Variants in NALF1 observed in about 807,000 individuals in gnomAD.
The protein encoded by NALF1 is NALCN channel auxiliary factor 1.
Under a neutral mutation model 48.4 loss-of-function variants are expected in NALF1, and 3 were observed. That is an observed-to-expected ratio of 0.06 (90% CI 0.03 to 0.16). The LOEUF is 0.16. NALF1 is among the 10% of genes least tolerant of loss of function. The pLI is 1.00. For missense variants in NALF1, 526 were observed against 571.5 expected, an observed-to-expected ratio of 0.92 and a Z score of 0.81; for synonymous variants, 262 against 245.7, an observed-to-expected ratio of 1.07 and a Z score of -0.62.
chr13:107,240,492 T>TA (rs1360641907), intron 1 of NALF1, among the ~76,000 whole-genome samples: 5 of 152,216 alleles, frequency 3.3e-5, no homozygotes, highest in Admixed American at 3.3e-4. Flanking sequence ...TTCATGGCTT[T>TA]GAAATATGTA....
At chr13:107,237,555 A>G (rs971109855) in intron 1 of NALF1, among the ~76,000 whole-genome samples, 4 of 152,198 alleles carry the variant, frequency 2.6e-5, no homozygotes, top group African/African-American at 9.7e-5. Context: ...TATACATTAA[A>G]TCATCTCTAG....
At chr13:107,736,728 C>T (rs962191770) in intron 1 of NALF1, among the ~76,000 whole-genome samples, 3 of 152,032 alleles carry the variant, frequency 2.0e-5, no homozygotes, top group African/African-American at 7.2e-5. Context: ...TAACAAGTTA[C>T]GGAAAAAGCC....
chr13:107,745,132 T>A (rs1876750158), intron 1 of NALF1, among the ~76,000 whole-genome samples: 1 of 152,198 alleles, frequency 6.6e-6, no homozygotes. Flanking sequence ...AGAGGGTACA[T>A]AAACAAATTT....
intron 1 of NALF1, among the ~76,000 whole-genome samples, chr13:107,522,441 G>A (rs1408211595): frequency 1.3e-5 from 2 of 151,914 alleles, no homozygotes; most frequent in African/African-American, 4.8e-5. Context: ...AAGTTTCACT[G>A]ATAAATATTT....
At chr13:107,726,745 G>A (rs1876162776) in intron 1 of NALF1, among the ~76,000 whole-genome samples, 1 of 151,096 alleles carries the variant, frequency 6.6e-6, no homozygotes, top group Non-Finnish European at 1.5e-5. Context: ...GAGTAGCTAG[G>A]ACTACAAGGC....
chr13:107,362,179 A>G lies in NALF1; in HGVS notation c.916-151424T>C, dbSNP rs1294677825. ...TCTACCCTTATTGACTGATTCTCCA[A>G]ATGACAAGGTTACCTGATGGTGGGG... On this transcript the variant is annotated intron_variant, in intron 1 of 2. Coordinates refer to ENST00000375915, the MANE Select transcript of NALF1 (RefSeq NM_001080396.3). This position sits in a 1 kb window ranked among gnomAD's most constrained non-coding sequence, Gnocchi z 4.6. 1.3e-5 allele frequency among the ~76,000 whole-genome samples: 2 copies of G among 152,174 alleles called. No homozygotes were observed. Among genetic ancestry groups the G allele is most frequent in the Admixed American group, 1.3e-4 (2 of 15,268 alleles).
At chr13:107,510,406 A>T (rs1177826207) in intron 1 of NALF1, among the ~76,000 whole-genome samples, 1 of 152,160 alleles carries the variant, frequency 6.6e-6, no homozygotes, top group Admixed American at 6.5e-5. Flanking sequence ...ATTACTTTTA[A>T]ATGGAAAAAT....
intron 1 of NALF1, among the ~76,000 whole-genome samples, chr13:107,241,067 A>AG (rs1880457302): frequency 6.6e-6 from 1 of 150,626 alleles, no homozygotes; most frequent in Admixed American, 6.6e-5. Context: ...AAAAAAAAAA[A>AG]AAAAAAAGCC....
chr13:107,731,425 G>A (rs1284645754), intron 1 of NALF1, among the ~76,000 whole-genome samples: 1 of 152,002 alleles, frequency 6.6e-6, no homozygotes, highest in African/African-American at 2.4e-5. Context: ...TTAGGTTCAG[G>A]AGTACATGTG....
intron 1 of NALF1, among the ~76,000 whole-genome samples, chr13:107,755,527 T>C (rs892873505): frequency 6.6e-6 from 1 of 151,368 alleles, no homozygotes; most frequent in Non-Finnish European, 1.5e-5. Context: ...TCCATTTTCA[T>C]GCCAAAATTA....
intron 1 of NALF1, among the ~76,000 whole-genome samples, chr13:107,849,343 A>G (rs1226579822): frequency 1.3e-5 from 2 of 152,216 alleles, no homozygotes; most frequent in African/African-American, 4.8e-5. Context: ...AAGATTGTGT[A>G]GTAAAGAAAA....
chr13:107,295,356 T>C (rs1881705698), intron 1 of NALF1, among the ~76,000 whole-genome samples: 1 of 152,238 alleles, frequency 6.6e-6, no homozygotes, highest in Admixed American at 6.5e-5. Context: ...TTCCATGGTG[T>C]ACATATAATA....
intron 1 of NALF1, among the ~76,000 whole-genome samples, chr13:107,795,545 T>C (rs1878395284): frequency 6.6e-6 from 1 of 152,192 alleles, no homozygotes; most frequent in Non-Finnish European, 1.5e-5. Context: ...TACGCTTTTC[T>C]GTAAAAAGCT....
chr13:107,418,544 CT>C (rs1884132414), intron 1 of NALF1, among the ~76,000 whole-genome samples: 2 of 152,004 alleles, frequency 1.3e-5, no homozygotes, highest in Admixed American at 6.6e-5. Context: ...CAATCTATTT[CT>C]TTTTTTCCCC....
At chr13:107,208,739 G>A (rs1879694426) in intron 2 of NALF1, among the ~76,000 whole-genome samples, 1 of 152,148 alleles carries the variant, frequency 6.6e-6, no homozygotes, top group African/African-American at 2.4e-5. Flanking sequence ...TATCTTCATG[G>A]TTATTTGTGG....
chr13:107,369,826 T>G (rs1883218181), intron 1 of NALF1, among the ~76,000 whole-genome samples: 1 of 152,208 alleles, frequency 6.6e-6, no homozygotes, highest in African/African-American at 2.4e-5. Flanking sequence ...CTTCACATTC[T>G]TAACTTCAGT....
chr13:107,267,562 C>A (rs1179314799), intron 1 of NALF1, among the ~76,000 whole-genome samples: 1 of 152,178 alleles, frequency 6.6e-6, no homozygotes, highest in Admixed American at 6.5e-5. Flanking sequence ...GTATTCCACT[C>A]ATTGGAGAAG....
chr13:107,444,576 G>A (rs151120059), intron 1 of NALF1, among the ~76,000 whole-genome samples: 3 of 152,146 alleles, frequency 2.0e-5, no homozygotes, highest in Non-Finnish European at 2.9e-5. Flanking sequence ...AACTTGAATG[G>A]ACCCACATGA....
intron 1 of NALF1, among the ~76,000 whole-genome samples, chr13:107,402,721 A>G (rs981278079): frequency 6.6e-6 from 1 of 152,130 alleles, no homozygotes; most frequent in African/African-American, 2.4e-5. Flanking sequence ...ATTCCTGTGC[A>G]AAGAATTTAA....
Sources: allele counts gnomAD v4.1 joint callset (sites outside exome capture counted in the v4.1 genomes callset), GRCh38; gene constraint gnomAD v4.1.1; non-coding constraint Gnocchi (gnomAD v3.1); transcripts MANE v1.5; gene names NCBI Gene and HGNC (gene_info 2026-07-23, HGNC 2026-07-21).